The following VNN1 variants were observed in gnomAD, a reference collection of about 807,000 sequenced individuals.
VNN1 encodes vanin 1, also known as pantetheinase.
Under a neutral mutation model 41.9 loss-of-function variants are expected in VNN1, and 29 were observed. That is an observed-to-expected ratio of 0.69 (90% CI 0.52 to 0.94). The LOEUF (loss-of-function observed/expected upper bound fraction) is 0.94. Among genes scored for constraint, VNN1 ranks in the 40% least tolerant of loss-of-function variants. The probability of loss-of-function intolerance (pLI) is 0.00; values close to 1 mark genes in which losing one functional copy is unlikely to be tolerated. For synonymous variants in VNN1, 233 were observed against 224.4 expected (o/e 1.04, Z -0.34); for missense variants, 637 against 621.1 (o/e 1.03, Z -0.27).
chr6:132,707,258 T>A (rs1778532726), intron 2 of VNN1, among the ~76,000 whole-genome samples: 1 of 147,692 alleles, frequency 6.8e-6, no homozygotes, highest in South Asian at 2.1e-4. Flanking sequence ...AAAAGTACAA[T>A]TATATCATCT....
chr6:132,681,818 CT>C lies in VNN1; in HGVS notation c.*1321del, dbSNP rs1333985536. 1.3e-5 allele frequency: 2 copies of C among 152,392 alleles called. No homozygotes were observed. Among genetic ancestry groups the C allele is most frequent in the Admixed American group, 6.6e-5 (1 of 15,256 alleles). The allele number at this position is 152,392 out of a possible 1,614,324, so 9.4% of individuals were successfully genotyped here. ...CAAATATTTCTTGGATGATATAGTA[CT>C]TTTTAGGAAAAACATCTGCCACAAA... On this transcript the variant is annotated 3_prime_UTR_variant, in exon 7 of 7. Coordinates refer to ENST00000367928, the MANE Select transcript of VNN1 (RefSeq NM_004666.3).
In VNN1 at chr6:132,683,283, A is replaced by T; in HGVS notation, c.1399T>A (p.Ser467Thr). 6.2e-7 allele frequency: 1 copy of T among 1,613,962 alleles called. No homozygotes were observed. The highest frequency in any genetic ancestry group is 8.5e-7 in the Non-Finnish European group (1 of 1,179,986). ...AGAGTTACTGTTAAGACAGGTCCGG[A>T]TGTTGGCTTCAGACTAAACAAGCGT... ...DGRLFSLKPT[S>T]GPVLTVTLFG... The change falls in exon 7 of 7, where the codon TCC (serine) becomes ACC (threonine). Residue 467 changes from serine (S) to threonine (T), a missense_variant. Coordinates refer to ENST00000367928, the MANE Select transcript of VNN1 (RefSeq NM_004666.3).
intron 2 of VNN1, among the ~76,000 whole-genome samples, chr6:132,699,889 T>C (rs45470600): frequency 1.3e-5 from 2 of 152,326 alleles, no homozygotes; most frequent in Admixed American, 1.3e-4. Context: ...CAACCTCTGA[T>C]ATGTAAGTTA....
At chr6:132,706,597 C>A (rs1241734016) in intron 2 of VNN1, among the ~76,000 whole-genome samples, 1 of 152,076 alleles carries the variant, frequency 6.6e-6, no homozygotes, top group Non-Finnish European at 1.5e-5. Flanking sequence ...TTGGTCTGGA[C>A]AAAGATTTCT....
intron 5 of VNN1, 137 bp downstream of exon 5, chr6:132,692,086 A>G (rs1412073941): frequency 2.0e-6 from 2 of 1,021,036 alleles, no homozygotes; most frequent in Admixed American, 7.0e-5. Flanking sequence ...CAAATAAACA[A>G]CAAAATTTTT....
Position 132,713,815 on chromosome 6 carries a change from AG to A in VNN1, c.210+10del, listed in dbSNP as rs1280935718. The A allele has an allele frequency of 3.7e-6, 6 of 1,604,244 alleles. No individual in the cohort carries two copies. The highest frequency in any genetic ancestry group is 5.1e-6 in the Non-Finnish European group (6 of 1,172,762). ...GAATCCAGTACACTGGAGAGATGGT[AG>A]AGATGGTACCTGATCTGCTGCTGAT... On this transcript the variant is annotated intron_variant, in intron 1 of 6. Transcript: ENST00000367928.
intron 5 of VNN1, among the ~76,000 whole-genome samples, chr6:132,686,902 A>G (rs549920284): frequency 1.6e-4 from 24 of 152,296 alleles, no homozygotes; most frequent in Admixed American, 1.6e-3. Flanking sequence ...AAGAAAAAAG[A>G]GTTCTTGGAA....
chr6:132,711,724 C>T lies in VNN1; in HGVS notation c.326G>A (p.Cys109Tyr), dbSNP rs780986875. 1.2e-6 allele frequency: 2 copies of T among 1,612,044 alleles called. No individual in the cohort carries two copies. Among genetic ancestry groups the T allele is most frequent in the Admixed American group, 3.4e-5 (2 of 59,488 alleles). Residue 109 changes from cysteine to tyrosine, a missense_variant, in exon 2 of 7, where the codon TGT (cysteine) becomes TAT (tyrosine). Cys to Tyr is a radical substitution (Grantham distance 194). Coordinates refer to ENST00000367928, the MANE Select transcript of VNN1 (RefSeq NM_004666.3). ...IPDPEVNWIP[C>Y]NNRNRFGQTP... ...GTTTCTTTACCTGTTACGATTATTACAGGGGATCCAGTTTACTTCAGGGTC... is the reference window on the plus strand; with the variant it reads ...GTTTCTTTACCTGTTACGATTATTATAGGGGATCCAGTTTACTTCAGGGTC...
intron 2 of VNN1, among the ~76,000 whole-genome samples, chr6:132,706,916 C>T (rs1778526744): frequency 7.4e-6 from 1 of 134,526 alleles, no homozygotes; most frequent in South Asian, 2.6e-4. Context: ...AGTTGCTCAA[C>T]ATCACTGATC....
intron 5 of VNN1, among the ~76,000 whole-genome samples, chr6:132,685,576 T>C (rs1376332929): frequency 6.6e-6 from 1 of 151,756 alleles, no homozygotes. Flanking sequence ...AACTAGGATG[T>C]TGATACAAAA....
In VNN1 at chr6:132,683,135, A is replaced by G. The variant is rs1778152220; in HGVS notation, c.*5T>C. On this transcript the variant is annotated 3_prime_UTR_variant, in exon 7 of 7. Coordinates refer to ENST00000367928, the MANE Select transcript of VNN1 (RefSeq NM_004666.3). ...CCCAAATAAAAAAGAGAAAAAGTCA[A>G]TATTCTACCAACTTAATGAGCATAC... The G allele has an allele frequency of 6.3e-7, 1 of 1,575,250 alleles. No homozygotes were observed. The highest frequency in any genetic ancestry group is 1.4e-5 in the African/African-American group (1 of 72,882).
intron 5 of VNN1, among the ~76,000 whole-genome samples, chr6:132,687,202 T>C (rs535535170): frequency 2.6e-5 from 4 of 152,136 alleles, no homozygotes; most frequent in Non-Finnish European, 5.9e-5. Context: ...GAATTCTCAA[T>C]AGCAACGTAA....
At chr6:132,700,310 TA>T (rs10709970) in intron 2 of VNN1, among the ~76,000 whole-genome samples, 66,111 of 151,532 alleles carry the variant, frequency 0.44, 15,618 homozygotes, top group African/African-American at 0.61. Context: ...AAATTTTATT[TA>T]AAAAAAAATT....
chr6:132,689,073 G>T (rs1778245259), intron 5 of VNN1, among the ~76,000 whole-genome samples: 2 of 152,090 alleles, frequency 1.3e-5, no homozygotes, highest in South Asian at 4.1e-4. Context: ...ATTTTTAGTA[G>T]AGACAGGTTT....
chr6:132,696,007 T>C (rs1316405477), intron 2 of VNN1, among the ~76,000 whole-genome samples: 1 of 151,774 alleles, frequency 6.6e-6, no homozygotes, highest in Admixed American at 6.6e-5. Flanking sequence ...CCAACGAAAA[T>C]CATCCCTGAA....
At chr6:132,706,869 A>G (rs1778526026) in intron 2 of VNN1, among the ~76,000 whole-genome samples, 2 of 152,000 alleles carry the variant, frequency 1.3e-5, no homozygotes, top group African/African-American at 2.4e-5. Flanking sequence ...GACATTTCTC[A>G]AAAGAAGTTA....
intron 2 of VNN1, among the ~76,000 whole-genome samples, chr6:132,698,355 T>C (rs1393738670): frequency 1.3e-5 from 2 of 152,226 alleles, no homozygotes; most frequent in African/African-American, 2.4e-5. Context: ...TCAACAAATA[T>C]GCATTAGGTT....
chr6:132,695,352 A>G (rs1582772117), intron 2 of VNN1, among the ~76,000 whole-genome samples: 1 of 152,168 alleles, frequency 6.6e-6, no homozygotes, highest in South Asian at 2.1e-4. Context: ...ATTTCAGTCC[A>G]TTTTAGCTCT....
intron 5 of VNN1, among the ~76,000 whole-genome samples, chr6:132,691,035 T>A (rs965705441): frequency 4.6e-5 from 7 of 152,178 alleles, no homozygotes; most frequent in African/African-American, 1.7e-4. Flanking sequence ...TGCAAACACC[T>A]TGAGGTTCTG....
Sources: allele counts gnomAD v4.1 joint callset (sites outside exome capture counted in the v4.1 genomes callset), GRCh38; gene constraint gnomAD v4.1.1; transcripts MANE v1.5; gene names NCBI Gene and HGNC (gene_info 2026-07-23, HGNC 2026-07-21).